OPA1: variants seen among roughly 807,000 people sequenced by gnomAD.
OPA1 encodes the protein dynamin-like GTPase OPA1, mitochondrial.
Under a neutral mutation model 152.9 loss-of-function variants are expected in OPA1, and 59 were observed. The ratio of observed to expected loss-of-function variants is 0.39; its 90% CI spans 0.31 to 0.48. OPA1 has a LOEUF of 0.48. Ranked by LOEUF, OPA1 falls within the 20% of genes least tolerant of loss-of-function variation. The pLI, the probability that OPA1 is intolerant of heterozygous loss-of-function variation, is 0.96. For missense variants in OPA1, 1,008 were observed against 1,216.8 expected, an observed-to-expected ratio of 0.83 and a Z score of 2.55; for synonymous variants, 400 against 389.9, an observed-to-expected ratio of 1.03 and a Z score of -0.31.
intron 28 of OPA1, 129 bp downstream of exon 28, chr3:193,666,518 TAG>T (rs1716575773): frequency 2.5e-6 from 2 of 788,946 alleles, no homozygotes; most frequent in Non-Finnish European, 4.2e-6. Context: ...CCAGGTGTGG[TAG>T]CTCATGCCTG....
chr3:193,645,792 G>A lies in OPA1; in HGVS notation c.1746G>A (p.Lys582=), dbSNP rs759987989. The change falls in exon 18 of 31, where the codon AAG becomes AAA. Residue 582 remains lysine (K), a synonymous_variant. Transcript: ENST00000361510. ...EYEEEFFQNS[K]LLKTSMLKAH... ...AAGAAGAGTTTTTTCAGAATTCAAA[G>A]CTCCTAAAGTAGGTATCTTGTTAAA... is the stretch of plus-strand genomic sequence containing the variant. 1.2e-6 allele frequency: 2 copies of A among 1,610,356 alleles called. No individual in the cohort carries two copies. The highest frequency in any genetic ancestry group is 1.7e-5 in the Admixed American group (1 of 60,012).
chr3:193,643,591 A>G lies in OPA1; in HGVS notation c.1441A>G (p.Met481Val), dbSNP rs759032999. ...TATTTTCAGTATCAGCAAAGCTTAC[A>G]TGCAGAATCCTAATGCCATCATACT... ...ETIFSISKAY[M>V]QNPNAIILCI... is the part of the protein sequence containing the mutation. The change falls in exon 15 of 31, where the codon ATG becomes GTG. Residue 481 changes from methionine to valine, a missense_variant. Physicochemically the swap from Met to Val is conservative, Grantham distance 21. Coordinates refer to ENST00000361510, the MANE Select transcript of OPA1 (RefSeq NM_130837.3). 3 of 1,613,874 alleles carry G rather than the reference A, an allele frequency of 1.9e-6. No individual in the cohort carries two copies. Among genetic ancestry groups the G allele is most frequent in the Non-Finnish European group, 2.5e-6 (3 of 1,179,872 alleles).
chr3:193,667,021 A>G (rs982846348), intron 28 of OPA1, 149 bp from the exon 29 acceptor site: 4 of 612,604 alleles, frequency 6.5e-6, no homozygotes, highest in South Asian at 5.8e-5. Context: ...AAACTACTGT[A>G]TAACAGAGAT....
chr3:193,606,162 A>G (rs1340796037), intron 1 of OPA1, among the ~76,000 whole-genome samples: 1 of 152,098 alleles, frequency 6.6e-6, no homozygotes, highest in East Asian at 1.9e-4. Flanking sequence ...GGTTGTTTGC[A>G]ATACAGGCAG....
chr3:193,638,609 A>G (rs1043392200), intron 11 of OPA1, among the ~76,000 whole-genome samples: 2 of 152,234 alleles, frequency 1.3e-5, no homozygotes, highest in Non-Finnish European at 2.9e-5. Flanking sequence ...TCTAAACAGT[A>G]CTAACATCAG....
chr3:193,694,613 C>G lies in OPA1; in HGVS notation c.*13C>G, dbSNP rs1485612245. On this transcript the variant is annotated 3_prime_UTR_variant, in exon 31 of 31. Transcript: ENST00000361510. ...ATGGGTTTATTTTTACAGAATCGTA[C>G]TCATAATCAGCTCTGCATACATCTG... 1 of 152,164 alleles carries G rather than the reference C, an allele frequency of 6.6e-6. No homozygotes were observed. Among genetic ancestry groups the G allele is most frequent in the Non-Finnish European group, 1.5e-5 (1 of 68,034 alleles). The allele number at this position is 152,164 out of a possible 1,614,324, so 9.4% of individuals were successfully genotyped here. A position where few individuals can be genotyped will look rare whatever the true frequency, so the allele number is the denominator to read the frequency against.
intron 25 of OPA1, among the ~76,000 whole-genome samples, chr3:193,661,764 G>A (rs79967671): frequency 0.034 from 5,241 of 152,236 alleles, 340 homozygotes; most frequent in African/African-American, 0.12. Context: ...CAAATGATGG[G>A]TAGAAAGGGG....
At position 193,694,141 on chromosome 3, in the gene OPA1, T is replaced by A. The variant is rs573255350; in HGVS notation, c.*6-465T>A. Among the ~76,000 whole-genome samples the A allele has an allele frequency of 2.0e-5, 3 of 152,336 alleles. No homozygotes were observed. The East Asian group carries it at 5.8e-4, about 29-fold the overall frequency. ...CTTTTCAACCCTTGTGACTTAAGAC[T>A]CTGTGAACTTTTACAAAGTATCTTG... On this transcript the variant is annotated intron_variant, in intron 30 of 30. Transcript: ENST00000361510.
At chr3:193,598,895 T>A (rs1164669877) in intron 1 of OPA1, among the ~76,000 whole-genome samples, 1 of 152,216 alleles carries the variant, frequency 6.6e-6, no homozygotes, top group Non-Finnish European at 1.5e-5. Flanking sequence ...AAGGATGTAG[T>A]TGAAAGAAGG....
chr3:193,613,820 C>G, intron 1 of OPA1: 1 of 457,082 alleles, frequency 2.2e-6, no homozygotes, highest in Non-Finnish European at 4.3e-6. Flanking sequence ...TCAGGTGATT[C>G]ACCCACCTCA....
intron 29 of OPA1, among the ~76,000 whole-genome samples, chr3:193,670,669 A>G (rs1372187029): frequency 6.6e-6 from 1 of 152,144 alleles, no homozygotes; most frequent in East Asian, 1.9e-4. Flanking sequence ...CCCAGCCCTG[A>G]CTGCCCTTTA....
intron 16 of OPA1, among the ~76,000 whole-genome samples, chr3:193,644,625 T>G (rs1243044040): frequency 6.6e-6 from 1 of 152,134 alleles, no homozygotes; most frequent in Non-Finnish European, 1.5e-5. Flanking sequence ...TGTTAACCCT[T>G]TTCTAGGTAG....
intron 7 of OPA1, among the ~76,000 whole-genome samples, chr3:193,627,745 G>A (rs796650355): frequency 6.6e-5 from 10 of 152,264 alleles, no homozygotes; most frequent in African/African-American, 2.4e-4. Context: ...ATTGCTGAAA[G>A]CTAATGTTCA....
rs1294753648 is a variant in OPA1 at position 193,695,525 on chromosome 3, TTAAAG to T, written c.*929_*933del. 3.3e-5 allele frequency: 5 copies of T among 152,186 alleles called. No homozygotes were observed. The highest frequency in any genetic ancestry group is 4.8e-5 in the African/African-American group (2 of 41,434). 9.4% of individuals were successfully genotyped at this position (152,186 alleles called of 1,614,324 possible). A position where few individuals can be genotyped will look rare whatever the true frequency, so the allele number is the denominator to read the frequency against. On this transcript the variant is annotated 3_prime_UTR_variant, in exon 31 of 31. Coordinates refer to ENST00000361510, the MANE Select transcript of OPA1 (RefSeq NM_130837.3). ...TTTTAAATAGAAATTATTTCAACAATTAAAGTAATGTTGACCATCCCCCTCTCAGC... is the reference window on the plus strand; with the variant it reads ...TTTTAAATAGAAATTATTTCAACAATTAATGTTGACCATCCCCCTCTCAGC...
At chr3:193,644,271 G>T in intron 16 of OPA1, 166 bp downstream of exon 16, 2 of 748,142 alleles carry the variant, frequency 2.7e-6, no homozygotes, top group Non-Finnish European at 4.3e-6. Context: ...ATGGTACATG[G>T]TATGAAGTCT....
At chr3:193,617,544 G>A (rs1435391321) in intron 4 of OPA1, among the ~76,000 whole-genome samples, 1 of 152,166 alleles carries the variant, frequency 6.6e-6, no homozygotes, top group East Asian at 1.9e-4. Flanking sequence ...ACTTGTTCTT[G>A]ACAAGTAGAT....
chr3:193,622,476 C>T (rs550802906), intron 6 of OPA1, among the ~76,000 whole-genome samples: 4 of 152,224 alleles, frequency 2.6e-5, no homozygotes, highest in African/African-American at 9.6e-5. Flanking sequence ...GTCCGTCCAC[C>T]TCTGCCTCCC....
At chr3:193,604,869 A>AAAAAG (rs367621927) in intron 1 of OPA1, among the ~76,000 whole-genome samples, 8 of 145,928 alleles carry the variant, frequency 5.5e-5, no homozygotes, top group African/African-American at 1.0e-4. Flanking sequence ...TCAAAAAAAA[A>AAAAAG]AAAAAAGAAA....
At chr3:193,666,938 A>G (rs566679894) in intron 28 of OPA1, among the ~76,000 whole-genome samples, 8 of 152,282 alleles carry the variant, frequency 5.3e-5, no homozygotes, top group African/African-American at 1.9e-4. Context: ...TTTTTGGGAA[A>G]TCTGCACTTC....
Sources: gnomAD v4.1 joint callset for allele counts (sites outside exome capture counted in the v4.1 genomes callset) on GRCh38, gnomAD v4.1.1 for gene constraint, MANE v1.5 for transcripts, NCBI Gene and HGNC (gene_info 2026-07-23, HGNC 2026-07-21) for gene names.